SLC38A1: variants seen among roughly 807,000 people sequenced by gnomAD.
SLC38A1 encodes the protein sodium-coupled neutral amino acid symporter 1.
Under a neutral mutation model 60.3 loss-of-function variants are expected in SLC38A1, and 18 were observed. The ratio of observed to expected loss-of-function variants is 0.30; its 90% CI spans 0.21 to 0.44. The LOEUF (loss-of-function observed/expected upper bound fraction) is 0.44. Ranked by LOEUF, SLC38A1 falls within the 20% of genes least tolerant of loss-of-function variation. The pLI is 1.00. For missense variants in SLC38A1, 448 were observed against 587.2 expected (o/e 0.76, Z 2.45); for synonymous variants, 196 against 212.1 (o/e 0.92, Z 0.66).
At chr12:46,194,534 C>T (rs1939282509) in intron 16 of SLC38A1, among the ~76,000 whole-genome samples, 1 of 152,212 alleles carries the variant, frequency 6.6e-6, no homozygotes, top group African/African-American at 2.4e-5. Context: ...TGTTTTCTAA[C>T]TTGGATCCAT....
chr12:46,224,019 C>T (rs1940767220), intron 5 of SLC38A1, among the ~76,000 whole-genome samples: 1 of 152,090 alleles, frequency 6.6e-6, no homozygotes, highest in African/African-American at 2.4e-5. Context: ...CAAAACAAAA[C>T]CCACCATTCT....
At chr12:46,238,791 C>T (rs969486907) in intron 3 of SLC38A1, among the ~76,000 whole-genome samples, 1 of 152,240 alleles carries the variant, frequency 6.6e-6, no homozygotes, top group African/African-American at 2.4e-5. Context: ...TACCCTGACC[C>T]TCTACTTCTT....
intron 1 of SLC38A1, among the ~76,000 whole-genome samples, chr12:46,266,186 G>T (rs1942346266): frequency 6.6e-6 from 1 of 152,112 alleles, no homozygotes; most frequent in Non-Finnish European, 1.5e-5. Flanking sequence ...TATTAAGCAG[G>T]TACTATGTGC....
chr12:46,203,176 T>G, intron 11 of SLC38A1, 87 bp from the exon 12 acceptor site: 5 of 1,046,056 alleles, frequency 4.8e-6, no homozygotes, highest in Non-Finnish European at 7.2e-6. Flanking sequence ...TGTCTTTTTA[T>G]CTGACAGCTC....
chr12:46,210,906 T>G (rs914708515), intron 5 of SLC38A1, among the ~76,000 whole-genome samples: 2 of 152,172 alleles, frequency 1.3e-5, no homozygotes, highest in Non-Finnish European at 2.9e-5. Flanking sequence ...AATACACTGA[T>G]TAAGAGGGTA....
intron 1 of SLC38A1, among the ~76,000 whole-genome samples, chr12:46,244,932 A>G (rs1010206628): frequency 6.6e-6 from 1 of 152,244 alleles, no homozygotes; most frequent in Admixed American, 6.5e-5. Flanking sequence ...GTAAAAGTAG[A>G]CAATGGTATA....
At position 46,185,057 on chromosome 12, in the gene SLC38A1, G is replaced by A. The variant is rs1452014988; in HGVS notation, c.*3913C>T. Reference sequence around the variant, plus strand: ...GCCTGGCTCCTGTATGTTGCACCATGAGTCCTAGGAATCATCTGGTGAGGG... The same window carrying A: ...GCCTGGCTCCTGTATGTTGCACCATAAGTCCTAGGAATCATCTGGTGAGGG... On this transcript the variant is annotated 3_prime_UTR_variant, in exon 17 of 17. Coordinates refer to ENST00000398637, the MANE Select transcript of SLC38A1 (RefSeq NM_030674.4). The A allele has an allele frequency of 6.6e-6, 1 of 152,158 alleles. No homozygotes were observed. The highest frequency in any genetic ancestry group is 1.9e-4 in the East Asian group (1 of 5,184). The allele number at this position is 152,158 out of a possible 1,614,324, so 9.4% of individuals were successfully genotyped here. A position where few individuals can be genotyped will look rare whatever the true frequency, so the allele number is the denominator to read the frequency against.
intron 16 of SLC38A1, 153 bp downstream of exon 16, chr12:46,197,567 T>C (rs1045729788): frequency 1.6e-6 from 1 of 607,142 alleles, no homozygotes; most frequent in African/African-American, 1.9e-5. Flanking sequence ...TCTGATATGA[T>C]ATTTTAAATA....
At chr12:46,197,112 T>A (rs575983738) in intron 16 of SLC38A1, among the ~76,000 whole-genome samples, 1 of 152,102 alleles carries the variant, frequency 6.6e-6, no homozygotes, top group African/African-American at 2.4e-5. Context: ...CTAGACACTG[T>A]CCTATAGAGA....
chr12:46,255,388 A>C (rs560357887), intron 1 of SLC38A1, among the ~76,000 whole-genome samples: 1 of 152,342 alleles, frequency 6.6e-6, no homozygotes, highest in African/African-American at 2.4e-5. Context: ...TGTCTAACTT[A>C]TGGAAAAAAT....
At chr12:46,215,202 G>A (rs887169649) in intron 5 of SLC38A1, among the ~76,000 whole-genome samples, 4 of 152,136 alleles carry the variant, frequency 2.6e-5, no homozygotes, top group Admixed American at 6.5e-5. Flanking sequence ...ACACTGTGCT[G>A]TGCATCACCC....
chr12:46,189,153 T>A, intron 16 of SLC38A1, 82 bp from the exon 17 acceptor site: 1 of 973,022 alleles, frequency 1.0e-6, no homozygotes. Context: ...ATAGAACAGT[T>A]TTTCCTCTCC....
At chr12:46,267,523 G>C (rs972169417) in intron 1 of SLC38A1, 3 of 152,386 alleles carry the variant, frequency 2.0e-5, no homozygotes, top group African/African-American at 7.2e-5. Flanking sequence ...AACCTCAGGC[G>C]GGCGATTTGG....
chr12:46,266,524 G>A (rs1205406013), intron 1 of SLC38A1, among the ~76,000 whole-genome samples: 1 of 151,074 alleles, frequency 6.6e-6, no homozygotes. Flanking sequence ...TTCATCATTC[G>A]GGTCTGAGGA....
intron 1 of SLC38A1, among the ~76,000 whole-genome samples, chr12:46,264,512 T>C (rs1942293819): frequency 6.6e-6 from 1 of 152,214 alleles, no homozygotes; most frequent in Admixed American, 6.5e-5. Context: ...TGATCAATTT[T>C]CAGAAATAAG....
chr12:46,224,742 T>A (rs1054130736), intron 5 of SLC38A1, among the ~76,000 whole-genome samples: 3 of 152,198 alleles, frequency 2.0e-5, no homozygotes, highest in Non-Finnish European at 4.4e-5. Context: ...AGTCCTAAGT[T>A]TAGTGAGAAA....
Position 46,188,829 on chromosome 12 carries a change from A to C in SLC38A1, c.*141T>G, listed in dbSNP as rs1939024852. On this transcript the variant is annotated 3_prime_UTR_variant, in exon 17 of 17. Transcript: ENST00000398637. ...TTATAGAACCATGTCTCTGTTTTGC[A>C]ACCAAAAAGTTATTCCATTTTAAGT... 1 of 640,840 alleles carries C rather than the reference A, an allele frequency of 1.6e-6. No homozygotes were observed. Among genetic ancestry groups the C allele is most frequent in the Non-Finnish European group, 2.7e-6 (1 of 373,742 alleles). 39.7% of individuals were successfully genotyped at this position (640,840 alleles called of 1,614,324 possible). A position where few individuals can be genotyped will look rare whatever the true frequency, so the allele number is the denominator to read the frequency against.
intron 5 of SLC38A1, among the ~76,000 whole-genome samples, chr12:46,225,350 C>A (rs1434100121): frequency 1.3e-5 from 2 of 152,188 alleles, no homozygotes; most frequent in Admixed American, 1.3e-4. Flanking sequence ...CCTCCCCTAT[C>A]CTGGCAACAA....
intron 1 of SLC38A1, among the ~76,000 whole-genome samples, chr12:46,259,467 T>C (rs1183304162): frequency 6.6e-6 from 1 of 152,162 alleles, no homozygotes; most frequent in Non-Finnish European, 1.5e-5. Flanking sequence ...GTAATAAAAA[T>C]GGGAAATGAA....
Sources: gnomAD v4.1 joint callset for allele counts (sites outside exome capture counted in the v4.1 genomes callset) on GRCh38, gnomAD v4.1.1 for gene constraint, MANE v1.5 for transcripts, NCBI Gene and HGNC (gene_info 2026-07-23, HGNC 2026-07-21) for gene names.